ANKRD12: variants seen among roughly 807,000 people sequenced by gnomAD.
ANKRD12 encodes ankyrin repeat domain-containing protein 12.
ANKRD12 carries 85 observed loss-of-function variants against 183.4 expected under a neutral mutation model. That is an observed-to-expected ratio of 0.46 (90% CI 0.39 to 0.56). The LOEUF (loss-of-function observed/expected upper bound fraction) is 0.56. Among genes scored for constraint, ANKRD12 ranks in the 20% least tolerant of loss-of-function variants. ANKRD12 has a pLI of 0.00. For missense variants in ANKRD12, 2,405 were observed against 2,357.1 expected (o/e 1.02, Z -0.42); for synonymous variants, 914 against 800.2 (o/e 1.14, Z -2.40).
intron 7 of ANKRD12, among the ~76,000 whole-genome samples, chr18:9,220,536 A>G (rs2036364836): frequency 6.6e-6 from 1 of 152,212 alleles, no homozygotes; most frequent in Non-Finnish European, 1.5e-5. Flanking sequence ...TCTGGCTTCA[A>G]GGCTTCAGTG....
rs571801580 is a variant in ANKRD12 at position 9,155,507 on chromosome 18, G to T, written c.-52+18542G>T. On this transcript the variant is annotated intron_variant, in intron 1 of 12. Transcript: ENST00000262126. Reference sequence around the variant, plus strand: ...CAGAAGTAGAATTACTAGAAGAGAAGACTGTGCGTTTAAATTTTTATGGTT... The same window carrying T: ...CAGAAGTAGAATTACTAGAAGAGAATACTGTGCGTTTAAATTTTTATGGTT... Among the ~76,000 whole-genome samples the T allele has an allele frequency of 1.9e-4, 29 of 152,278 alleles. 1 individual carries two copies. The South Asian group carries it at 5.4e-3, about 28-fold the overall frequency.
At chr18:9,163,260 T>A (rs2031657277) in intron 1 of ANKRD12, among the ~76,000 whole-genome samples, 1 of 152,202 alleles carries the variant, frequency 6.6e-6, no homozygotes, top group Non-Finnish European at 1.5e-5. Flanking sequence ...TTTTTGCATA[T>A]GGCTACCCAG....
At chr18:9,191,382 T>C (rs141718383) in intron 2 of ANKRD12, among the ~76,000 whole-genome samples, 166 of 152,294 alleles carry the variant, frequency 1.1e-3, no homozygotes, top group African/African-American at 3.8e-3. Flanking sequence ...ACATAACAAG[T>C]AGTTAGCAGT....
At chr18:9,200,227 G>T (rs113513591) in intron 3 of ANKRD12, among the ~76,000 whole-genome samples, 6 of 152,310 alleles carry the variant, frequency 3.9e-5, no homozygotes, top group African/African-American at 1.4e-4. Flanking sequence ...ATTAGGGAAT[G>T]AATTACAACA....
chr18:9,271,237 A>G (rs983413941), intron 10 of ANKRD12, among the ~76,000 whole-genome samples: 7 of 152,050 alleles, frequency 4.6e-5, no homozygotes, highest in African/African-American at 1.7e-4. Flanking sequence ...ACACCCAGCT[A>G]ATTTTTTAAA....
chr18:9,144,507 G>A (rs1295744499), intron 1 of ANKRD12, among the ~76,000 whole-genome samples: 1 of 152,142 alleles, frequency 6.6e-6, no homozygotes, highest in Non-Finnish European at 1.5e-5. Context: ...AGATGTTAGG[G>A]TGGGAGTAGC....
intron 8 of ANKRD12, among the ~76,000 whole-genome samples, chr18:9,227,712 G>A (rs1313164815): frequency 6.6e-6 from 1 of 152,110 alleles, no homozygotes; most frequent in African/African-American, 2.4e-5. Context: ...TATTTATGAG[G>A]TACATGTGAG....
chr18:9,244,495 A>G (rs1238948646), intron 8 of ANKRD12, among the ~76,000 whole-genome samples: 1 of 152,148 alleles, frequency 6.6e-6, no homozygotes, highest in Non-Finnish European at 1.5e-5. Context: ...CTAACTCAAG[A>G]TTTTGATTAA....
chr18:9,174,995 C>T (rs2033130716), intron 1 of ANKRD12, among the ~76,000 whole-genome samples: 1 of 151,986 alleles, frequency 6.6e-6, no homozygotes, highest in Admixed American at 6.5e-5. Context: ...TGCTTTGTTG[C>T]CCGGGCTGGA....
At chr18:9,168,462 CGAG>C (rs1240573227) in intron 1 of ANKRD12, among the ~76,000 whole-genome samples, 1 of 152,092 alleles carries the variant, frequency 6.6e-6, no homozygotes, top group Non-Finnish European at 1.5e-5. Context: ...ATGTATGTGT[CGAG>C]GAATTCATCC....
At position 9,254,747 on chromosome 18, in the gene ANKRD12, G is replaced by A. The variant is rs2038499868; in HGVS notation, c.1480G>A (p.Gly494Arg). 2 of 1,472,924 alleles carry A rather than the reference G, an allele frequency of 1.4e-6. No homozygotes were observed. Among genetic ancestry groups the A allele is most frequent in the Non-Finnish European group, 1.8e-6 (2 of 1,112,338 alleles). The allele number at this position is 1,472,924 out of a possible 1,614,324, so 91.2% of individuals were successfully genotyped here. Residue 494 changes from glycine to arginine, a missense_variant, in exon 9 of 13, where the codon GGA becomes AGA. Around this residue, in one of 7 missense-constraint regions of ANKRD12, gnomAD observed 1,983 missense variants for 1,725.9 expected, o/e 1.15. Transcript: ENST00000262126. ...CCAAGAGCTAAAGCAAGAAAAGGAA[G>A]GAAAAGAAAATACAAGAATAACAAA... ...ENQELKQEKE[G>R]KENTRITNLT... is the part of the protein sequence containing the mutation.
chr18:9,188,898 AAAC>A (rs1278902359), intron 2 of ANKRD12, among the ~76,000 whole-genome samples: 1 of 152,068 alleles, frequency 6.6e-6, no homozygotes, highest in African/African-American at 2.4e-5. Flanking sequence ...CTATTTCCTA[AAAC>A]AACAATTTTG....
chr18:9,220,812 A>G (rs1394134590), intron 7 of ANKRD12, among the ~76,000 whole-genome samples: 2 of 152,190 alleles, frequency 1.3e-5, no homozygotes, highest in African/African-American at 4.8e-5. Context: ...AAGAGATGAT[A>G]TATATTAGAA....
chr18:9,255,992 A>G lies in ANKRD12; in HGVS notation c.2725A>G (p.Arg909Gly). 2.6e-6 allele frequency: 4 copies of G among 1,567,416 alleles called. No individual in the cohort carries two copies. The South Asian group carries it at 3.7e-5, about 14-fold the overall frequency. Residue 909 changes from arginine to glycine, a missense_variant, in exon 9 of 13, where the codon AGG (arginine) becomes GGG (glycine). Coordinates refer to ENST00000262126, the MANE Select transcript of ANKRD12 (RefSeq NM_015208.5). The part of the protein sequence containing the change: ...DREKSREKMD[R>G]KHDKEKPEKE... ...AGAGAAAAGTAGAGAAAAGATGGATAGGAAACATGACAAAGAAAAGCCTGA... is the reference window on the plus strand; with the variant it reads ...AGAGAAAAGTAGAGAAAAGATGGATGGGAAACATGACAAAGAAAAGCCTGA...
intron 1 of ANKRD12, among the ~76,000 whole-genome samples, chr18:9,173,013 T>C (rs2032893212): frequency 6.6e-6 from 1 of 151,944 alleles, no homozygotes; most frequent in Non-Finnish European, 1.5e-5. Flanking sequence ...CATTTCAGTC[T>C]CCTAAAGTGC....
chr18:9,174,579 T>C (rs1316593743), intron 1 of ANKRD12, among the ~76,000 whole-genome samples: 3 of 152,196 alleles, frequency 2.0e-5, no homozygotes. Context: ...ACACAATCAC[T>C]CACTGCTTCC....
chr18:9,244,977 A>AC (rs1385852756), intron 8 of ANKRD12, among the ~76,000 whole-genome samples: 1 of 152,092 alleles, frequency 6.6e-6, no homozygotes, highest in Non-Finnish European at 1.5e-5. Context: ...TGTTTTTGTG[A>AC]CTTTCTACCA....
At position 9,153,602 on chromosome 18, in the gene ANKRD12, T is replaced by G. The variant is rs148315926; in HGVS notation, c.-52+16637T>G. Among the ~76,000 whole-genome samples the G allele has an allele frequency of 1.4e-3, 206 of 152,298 alleles. 1 individual carries two copies. Among genetic ancestry groups the G allele is most frequent in the African/African-American group, 4.8e-3 (200 of 41,564 alleles). ...TCTGAGTTCTTTCACCTTTTCTTATTTGGGGGAAATTACTGGTCATTTTTT... is the reference window on the plus strand; with the variant it reads ...TCTGAGTTCTTTCACCTTTTCTTATGTGGGGGAAATTACTGGTCATTTTTT... On this transcript the variant is annotated intron_variant, in intron 1 of 12. Coordinates refer to ENST00000262126, the MANE Select transcript of ANKRD12 (RefSeq NM_015208.5).
intron 1 of ANKRD12, among the ~76,000 whole-genome samples, chr18:9,138,821 G>A (rs1598367613): frequency 6.6e-6 from 1 of 152,250 alleles, no homozygotes; most frequent in East Asian, 1.9e-4. Context: ...TATAGACAAG[G>A]GGAGAAAAGT....
Sources: gnomAD v4.1 joint callset for allele counts (sites outside exome capture counted in the v4.1 genomes callset) on GRCh38, gnomAD v4.1.1 for gene constraint, gnomAD v4.1.1 regional missense constraint, MANE v1.5 for transcripts, NCBI Gene and HGNC (gene_info 2026-07-23, HGNC 2026-07-21) for gene names.